SIRPA: variants seen among roughly 807,000 people sequenced by gnomAD.
The protein encoded by SIRPA is signal regulatory protein alpha.
Under a neutral mutation model 50.3 loss-of-function variants are expected in SIRPA, and 9 were observed. The observed-to-expected ratio is 0.18, with a 90% confidence interval of 0.11 to 0.31. The LOEUF (loss-of-function observed/expected upper bound fraction) is 0.31, where lower values mean the gene tolerates loss of function less well. SIRPA is among the 10% of genes least tolerant of loss of function. The pLI is 1.00. For missense variants in SIRPA, 474 were observed against 661.6 expected (o/e 0.72, Z 3.11); for synonymous variants, 265 against 284.1 (o/e 0.93, Z 0.68).
At chr20:1,905,727 C>T (rs1196569753) in intron 1 of SIRPA, among the ~76,000 whole-genome samples, 1 of 152,238 alleles carries the variant, frequency 6.6e-6, no homozygotes, top group Non-Finnish European at 1.5e-5. Context: ...TCTGCCGGTC[C>T]CCCGAAGCCT....
rs555183474 is a variant in SIRPA at position 1,904,232 on chromosome 20, G to A, written c.79+8706G>A. On this transcript the variant is annotated intron_variant, in intron 1 of 7. Transcript: ENST00000358771. ...ATATCAATGCCAGGAGGGATAGGAG[G>A]AGGCGGCCAAGAAACCCCGGAATTT... Among the ~76,000 whole-genome samples, 3 of 152,324 alleles carry A rather than the reference G, an allele frequency of 2.0e-5. No individual in the cohort carries two copies. In the South Asian group the frequency reaches 6.2e-4, roughly 32 times the overall value.
In SIRPA at chr20:1,932,873, G is replaced by T. The variant is rs144925413; in HGVS notation, c.1227-1842G>T. On this transcript the variant is annotated intron_variant, in intron 6 of 7. Transcript: ENST00000358771. The surrounding 1 kb of genome is among the most constrained non-coding windows in gnomAD (Gnocchi z 6.0). ...TCTCCAGCCTGAGCACAGGATGACC[G>T]ATGGTAGAGCTATTCACTGAAATAG... Among the ~76,000 whole-genome samples the T allele has an allele frequency of 3.9e-5, 6 of 152,190 alleles. No individual in the cohort carries two copies. Among genetic ancestry groups the T allele is most frequent in the Admixed American group, 3.9e-4 (6 of 15,282 alleles).
In SIRPA at chr20:1,933,604, C is replaced by T. The variant is rs985859651; in HGVS notation, c.1227-1111C>T. ...GATCTGCGTGATCTTCCCCAGCAGA[C>T]GTGCCCCTGCTCCTGGAGGGTTCTT... On this transcript the variant is annotated intron_variant, in intron 6 of 7. Transcript: ENST00000358771. This position sits in a 1 kb window ranked among gnomAD's most constrained non-coding sequence, Gnocchi z 4.4. 3.9e-5 allele frequency among the ~76,000 whole-genome samples: 6 copies of T among 152,146 alleles called. No individual in the cohort carries two copies. Among genetic ancestry groups the T allele is most frequent in the East Asian group, 1.9e-4 (1 of 5,190 alleles).
chr20:1,935,411 G>A (rs964202948), intron 7 of SIRPA, among the ~76,000 whole-genome samples: 2 of 152,228 alleles, frequency 1.3e-5, no homozygotes, highest in Admixed American at 6.5e-5. Context: ...AACCCGGAAC[G>A]AGAGCGCGCC....
rs1985631565 is a variant in SIRPA at position 1,921,258 on chromosome 20, C to T, written c.437-137C>T. ...CTGCTCTGTAAAATGACAATAAGGA[C>T]ACCGCCCTCATTAATCCTTCCACAT... is the stretch of plus-strand genomic sequence containing the variant. On this transcript the variant is annotated intron_variant, in intron 2 of 7. Transcript: ENST00000358771. 4.1e-6 allele frequency: 6 copies of T among 1,473,408 alleles called. No homozygotes were observed. The Admixed American group carries it at 1.2e-4, about 29-fold the overall frequency. The allele number at this position is 1,473,408 out of a possible 1,614,324, so 91.3% of individuals were successfully genotyped here.
At chr20:1,913,774 G>A (rs759667903) in intron 1 of SIRPA, among the ~76,000 whole-genome samples, 6 of 151,902 alleles carry the variant, frequency 3.9e-5, no homozygotes, top group Non-Finnish European at 7.4e-5. Flanking sequence ...GTTCAGAATC[G>A]AGGCCCTGGC....
intron 1 of SIRPA, among the ~76,000 whole-genome samples, chr20:1,897,709 A>G: frequency 6.8e-6 from 1 of 147,926 alleles, no homozygotes; most frequent in Non-Finnish European, 1.5e-5. Flanking sequence ...GTGTCACATG[A>G]TTCCTGTGTC....
chr20:1,902,433 G>A (rs1219877439), intron 1 of SIRPA, among the ~76,000 whole-genome samples: 1 of 152,178 alleles, frequency 6.6e-6, no homozygotes, highest in Non-Finnish European at 1.5e-5. Context: ...TAACCACTTT[G>A]CAGTCATTAT....
At chr20:1,911,492 G>A (rs564138945) in intron 1 of SIRPA, among the ~76,000 whole-genome samples, 4 of 152,174 alleles carry the variant, frequency 2.6e-5, no homozygotes, top group Non-Finnish European at 4.4e-5. Flanking sequence ...CCGTTTTCAT[G>A]GTAATGGCTT....
rs1179599717 is a variant in SIRPA, at chr20:1,928,883, G to A, written c.1226+984G>A. The stretch of plus-strand genomic sequence containing the variant: ...ACTATTCTGTGAAAAGCCTTTATCG[G>A]CTTTTTGGAAGGCCTCTGATCTTCA... On this transcript the variant is annotated intron_variant, in intron 6 of 7. Coordinates refer to ENST00000358771, the MANE Select transcript of SIRPA (RefSeq NM_001040023.2). This position sits in a 1 kb window ranked among gnomAD's most constrained non-coding sequence, Gnocchi z 4.9. Among the ~76,000 whole-genome samples, 1 of 152,152 alleles carries A rather than the reference G, an allele frequency of 6.6e-6. No homozygotes were observed. Among genetic ancestry groups the A allele is most frequent in the African/African-American group, 2.4e-5 (1 of 41,412 alleles).
Position 1,934,725 on chromosome 20 carries a change from C to G in SIRPA, c.1237C>G (p.Pro413Ala). The change falls in exon 7 of 8, where the codon CCC becomes GCC. Residue 413 changes from proline (P) to alanine (A), a missense_variant. Pro to Ala is a conservative substitution (Grantham distance 27). This residue lies in a region of SIRPA where 180 missense variants were observed against 206.7 expected (regional missense o/e 0.87). Coordinates refer to ENST00000358771, the MANE Select transcript of SIRPA (RefSeq NM_001040023.2). The surrounding 1 kb of genome is among the most constrained non-coding windows in gnomAD (Gnocchi z 4.6). The stretch of plus-strand genomic sequence containing the variant: ...CTCTTTCCTTTTTAGGTTGCATGAG[C>G]CCGAGAAGAATGCCAGAGAAATAAC... The part of the protein sequence containing the change: ...GSTSSTRLHE[P>A]EKNAREITQD... The G allele has an allele frequency of 6.2e-7, 1 of 1,614,016 alleles. No individual in the cohort carries two copies. Among genetic ancestry groups the G allele is most frequent in the Non-Finnish European group, 8.5e-7 (1 of 1,179,984 alleles).
At chr20:1,908,989 C>T (rs1984720080) in intron 1 of SIRPA, among the ~76,000 whole-genome samples, 1 of 152,228 alleles carries the variant, frequency 6.6e-6, no homozygotes, top group Admixed American at 6.5e-5. Flanking sequence ...CTCTGGCACA[C>T]AGCATTAAAT....
At chr20:1,916,317 C>T (rs1333448831) in intron 2 of SIRPA, among the ~76,000 whole-genome samples, 1 of 152,200 alleles carries the variant, frequency 6.6e-6, no homozygotes, top group Non-Finnish European at 1.5e-5. Flanking sequence ...AGCCCAACCC[C>T]TAGTTACAGG....
At position 1,937,481 on chromosome 20, in the gene SIRPA, C is replaced by T; in HGVS notation, c.1428C>T (p.Val476=). The T allele has an allele frequency of 6.2e-7, 1 of 1,614,146 alleles. No individual in the cohort carries two copies. The highest frequency in any genetic ancestry group is 1.1e-5 in the South Asian group (1 of 91,082). ...TCACCTATGCTGACCTGGACATGGT[C>T]CACCTCAACCGGACCCCCAAGCAGC... is the stretch of plus-strand genomic sequence containing the variant. ...DTLTYADLDM[V]HLNRTPKQPA... The change falls in exon 8 of 8, where the codon GTC becomes GTT. Residue 476 remains valine, a synonymous_variant. Coordinates refer to ENST00000358771, the MANE Select transcript of SIRPA (RefSeq NM_001040023.2). This position sits in a 1 kb window ranked among gnomAD's most constrained non-coding sequence, Gnocchi z 8.3.
chr20:1,920,784 C>T (rs1001686219), intron 2 of SIRPA, among the ~76,000 whole-genome samples: 1 of 152,222 alleles, frequency 6.6e-6, no homozygotes, highest in South Asian at 2.1e-4. Flanking sequence ...AAAGTTAGAT[C>T]TGTTTTTGCT....
At chr20:1,900,428 G>A (rs772255017) in intron 1 of SIRPA, among the ~76,000 whole-genome samples, 17 of 152,170 alleles carry the variant, frequency 1.1e-4, no homozygotes, top group Non-Finnish European at 1.5e-4. Context: ...GGATGGACAA[G>A]TTGAGTAGAA....
chr20:1,933,409 C>G lies in SIRPA; in HGVS notation c.1227-1306C>G, dbSNP rs919284348. ...ACATAACATCAAATGCCACCCCCCC[C>G]CCGAAATATCTGGTGGGCAGATGAG... On this transcript the variant is annotated intron_variant, in intron 6 of 7. Transcript: ENST00000358771. The surrounding 1 kb of genome is among the most constrained non-coding windows in gnomAD (Gnocchi z 4.4). Among the ~76,000 whole-genome samples the G allele has an allele frequency of 1.3e-5, 2 of 151,264 alleles. No individual in the cohort carries two copies. The highest frequency in any genetic ancestry group is 1.3e-4 in the Admixed American group (2 of 15,206).
At position 1,898,647 on chromosome 20, in the gene SIRPA, T is replaced by C. The variant is rs62192712; in HGVS notation, c.79+3121T>C. On this transcript the variant is annotated intron_variant, in intron 1 of 7. Coordinates refer to ENST00000358771, the MANE Select transcript of SIRPA (RefSeq NM_001040023.2). This position sits in a 1 kb window ranked among gnomAD's most constrained non-coding sequence, Gnocchi z 4.3. ...GCTGGCCTTCCTGCTGGGTGGCTTCTAGGGAAGAAGCTCAATGACTTAATC... is the reference window on the plus strand; with the variant it reads ...GCTGGCCTTCCTGCTGGGTGGCTTCCAGGGAAGAAGCTCAATGACTTAATC... Among the ~76,000 whole-genome samples the C allele has an allele frequency of 0.052, 7,877 of 152,012 alleles. 264 individuals carry two copies. Among genetic ancestry groups the C allele is most frequent in the Non-Finnish European group, 0.081 (5,498 of 67,962 alleles).
chr20:1,910,100 G>C (rs924459746), intron 1 of SIRPA, among the ~76,000 whole-genome samples: 3 of 152,180 alleles, frequency 2.0e-5, no homozygotes, highest in East Asian at 1.9e-4. Flanking sequence ...GTACATTCCA[G>C]ATGTAATCAT....
Sources: gnomAD v4.1 joint callset for allele counts (sites outside exome capture counted in the v4.1 genomes callset) on GRCh38, gnomAD v4.1.1 for gene constraint, gnomAD v4.1.1 regional missense constraint, Gnocchi (gnomAD v3.1) non-coding constraint, MANE v1.5 for transcripts, NCBI Gene and HGNC (gene_info 2026-07-23, HGNC 2026-07-21) for gene names.